The following CFAP299 variants were observed in gnomAD, a reference collection of about 807,000 sequenced individuals.
CFAP299 encodes cilia- and flagella-associated protein 299.
Under a neutral mutation model 27.0 loss-of-function variants are expected in CFAP299, and 21 were observed. That is an observed-to-expected ratio of 0.78 (90% confidence interval 0.55 to 1.12). The LOEUF (loss-of-function observed/expected upper bound fraction) is 1.12. CFAP299 is among the 50% of genes most tolerant of loss of function. The pLI is 0.00. For synonymous variants in CFAP299, 104 were observed against 98.1 expected, an observed-to-expected ratio of 1.06 and a Z score of -0.36; for missense variants, 310 against 276.6, an observed-to-expected ratio of 1.12 and a Z score of -0.86.
chr4:80,368,947 T>A (rs960694408), intron 2 of CFAP299, among the ~76,000 whole-genome samples: 4 of 43,096 alleles, frequency 9.3e-5, no homozygotes, highest in African/African-American at 1.4e-4. Context: ...CAAGGTTTGT[T>A]GAGAAAGCAA....
chr4:80,591,499 C>T (rs562509770), intron 3 of CFAP299, among the ~76,000 whole-genome samples: 8 of 152,208 alleles, frequency 5.3e-5, no homozygotes, highest in Admixed American at 2.6e-4. Context: ...TGGCACCTCA[C>T]GATTATTTCT....
At chr4:80,457,202 T>C (rs923088267) in intron 2 of CFAP299, among the ~76,000 whole-genome samples, 3 of 152,142 alleles carry the variant, frequency 2.0e-5, no homozygotes, top group African/African-American at 4.8e-5. Context: ...ATTACAACAA[T>C]TGATGATCCG....
chr4:80,884,352 G>T (rs57053688), intron 4 of CFAP299, among the ~76,000 whole-genome samples: 5,210 of 152,138 alleles, frequency 0.034, 206 homozygotes, highest in African/African-American at 0.097. Context: ...GATATAAATA[G>T]GAATAACTTT....
In CFAP299 at chr4:80,963,507, T is replaced by G. The variant is rs763201772; in HGVS notation, c.607-10T>G. On this transcript the variant is annotated splice_polypyrimidine_tract_variant and intron_variant, in intron 5 of 5. Coordinates refer to ENST00000358105, the MANE Select transcript of CFAP299 (RefSeq NM_152770.3). ...TAGACTTGACTAACAATGTAATTTA[T>G]GTATTTTAGGCGCAGCCAGGTGACA... 1.4e-5 allele frequency: 22 copies of G among 1,546,340 alleles called. No homozygotes were observed. Among genetic ancestry groups the G allele is most frequent in the Non-Finnish European group, 1.8e-5 (21 of 1,137,522 alleles).
At chr4:80,669,458 C>T (rs577951254) in intron 3 of CFAP299, among the ~76,000 whole-genome samples, 161 of 151,928 alleles carry the variant, frequency 1.1e-3, no homozygotes, top group Non-Finnish European at 1.8e-3. Context: ...TGGCCAGTTA[C>T]TTGATTTCTT....
At chr4:80,684,284 G>A (rs1404703781) in intron 3 of CFAP299, among the ~76,000 whole-genome samples, 2 of 150,892 alleles carry the variant, frequency 1.3e-5, no homozygotes, top group Non-Finnish European at 3.0e-5. Context: ...TGGGGGGGGG[G>A]GACGGAGCCT....
intron 1 of CFAP299, among the ~76,000 whole-genome samples, chr4:80,348,563 C>G (rs928555753): frequency 6.6e-6 from 1 of 152,182 alleles, no homozygotes; most frequent in Non-Finnish European, 1.5e-5. Flanking sequence ...TAGGGAAATG[C>G]AAATCAAACC....
intron 3 of CFAP299, among the ~76,000 whole-genome samples, chr4:80,736,072 G>A (rs1348149115): frequency 2.0e-5 from 3 of 152,106 alleles, no homozygotes; most frequent in African/African-American, 7.2e-5. Flanking sequence ...CTGAGCAGAA[G>A]CTCTTTAGTT....
chr4:80,728,479 A>T (rs151207111), intron 3 of CFAP299, among the ~76,000 whole-genome samples: 508 of 152,218 alleles, frequency 3.3e-3, no homozygotes, highest in Middle Eastern at 0.014. Flanking sequence ...ACTGTATGAA[A>T]CTATTCAGGA....
In CFAP299 at chr4:80,596,544, A is replaced by AT. The variant is rs199777668; in HGVS notation, c.333+13371dup. 5.1e-3 allele frequency among the ~76,000 whole-genome samples: 769 copies of AT among 149,384 alleles called. 11 individuals carry two copies. The highest frequency in any genetic ancestry group is 3.4e-3 in the Non-Finnish European group (228 of 67,104). On this transcript the variant is annotated intron_variant, in intron 3 of 5. Transcript: ENST00000358105. ...CTTTATTTAAGCTCTTGGCATTCTG[A>AT]TTTTTTTTTTCTGGATACTCCCTAT... is the stretch of plus-strand genomic sequence containing the variant.
intron 2 of CFAP299, among the ~76,000 whole-genome samples, chr4:80,417,544 C>A (rs1041043100): frequency 6.6e-6 from 1 of 152,094 alleles, no homozygotes; most frequent in Non-Finnish European, 1.5e-5. Flanking sequence ...AATCGTTACT[C>A]TTCGGTTTCC....
At chr4:80,861,461 G>A (rs543589777) in intron 3 of CFAP299, among the ~76,000 whole-genome samples, 20 of 152,212 alleles carry the variant, frequency 1.3e-4, no homozygotes, top group South Asian at 1.2e-3. Flanking sequence ...AGATGAACCC[G>A]GTACCTCAGA....
intron 3 of CFAP299, among the ~76,000 whole-genome samples, chr4:80,801,824 T>G (rs187743401): frequency 2.0e-4 from 31 of 152,238 alleles, no homozygotes; most frequent in Admixed American, 5.9e-4. Flanking sequence ...TAAGTAAAAT[T>G]TAAAACCCAT....
intron 2 of CFAP299, among the ~76,000 whole-genome samples, chr4:80,368,211 T>C (rs1295856502): frequency 6.6e-6 from 1 of 152,128 alleles, no homozygotes; most frequent in East Asian, 1.9e-4. Flanking sequence ...ATTAGATAAG[T>C]CTTTGGGAAT....
chr4:80,693,220 T>A (rs2110018802), intron 3 of CFAP299, among the ~76,000 whole-genome samples: 1 of 152,232 alleles, frequency 6.6e-6, no homozygotes, highest in African/African-American at 2.4e-5. Context: ...GGACTATAAA[T>A]CATGCTTCTA....
At chr4:80,522,987 T>C (rs114481996) in intron 2 of CFAP299, among the ~76,000 whole-genome samples, 4,405 of 152,068 alleles carry the variant, frequency 0.029, 98 homozygotes, top group Non-Finnish European at 0.047. Context: ...TGGGGTTCTT[T>C]ATGGTTCCAC....
chr4:80,816,065 C>T (rs568346371), intron 3 of CFAP299, among the ~76,000 whole-genome samples: 51 of 151,734 alleles, frequency 3.4e-4, no homozygotes, highest in Non-Finnish European at 6.0e-4. Flanking sequence ...TATAAAACTA[C>T]TATTTGAGAA....
Position 80,532,376 on chromosome 4 carries a change from T to C in CFAP299, c.243-50717T>C, listed in dbSNP as rs145078195. Among the ~76,000 whole-genome samples the C allele has an allele frequency of 3.1e-3, 467 of 152,304 alleles. 1 individual carries two copies. Among genetic ancestry groups the C allele is most frequent in the Middle Eastern group, 0.01 (3 of 294 alleles). ...GAATGTGATATTAAAAAGTGGGAAGTAGTCCATTATAATCTTTTTGACTTT... is the reference window on the plus strand; with the variant it reads ...GAATGTGATATTAAAAAGTGGGAAGCAGTCCATTATAATCTTTTTGACTTT... On this transcript the variant is annotated intron_variant, in intron 2 of 5. Coordinates refer to ENST00000358105, the MANE Select transcript of CFAP299 (RefSeq NM_152770.3).
chr4:80,803,406 T>C (rs1441810468), intron 3 of CFAP299, among the ~76,000 whole-genome samples: 5 of 152,076 alleles, frequency 3.3e-5, no homozygotes, highest in Non-Finnish European at 4.4e-5. Flanking sequence ...AAAGAATTAT[T>C]ATCAAAATAT....
Sources: allele counts gnomAD v4.1 joint callset (sites outside exome capture counted in the v4.1 genomes callset), GRCh38; gene constraint gnomAD v4.1.1; transcripts MANE v1.5; gene names NCBI Gene and HGNC (gene_info 2026-07-23, HGNC 2026-07-21).